RPL5: variants seen among roughly 807,000 people sequenced by gnomAD.
RPL5 encodes large ribosomal subunit protein uL18.
RPL5 carries 1 observed loss-of-function variant against 38.4 expected under a neutral mutation model. The observed-to-expected ratio is 0.03, with a 90% CI of 0.01 to 0.12. The LOEUF (loss-of-function observed/expected upper bound fraction) is 0.12. Ranked by LOEUF, RPL5 falls within the 10% of genes least tolerant of loss-of-function variation. The pLI is 1.00. For missense variants in RPL5, 243 were observed against 374.1 expected (o/e 0.65, Z 2.89); for synonymous variants, 109 against 121.2 (o/e 0.90, Z 0.66).
chr1:92,832,018 G>A (rs1203825574), upstream of RPL5: 4 of 1,577,172 alleles, frequency 2.5e-6, no homozygotes, highest in Admixed American at 1.8e-5. Flanking sequence ...GCTACATACT[G>A]CGCCTGCGCA....
rs2100696942 is a variant in RPL5 at position 92,840,563 on chromosome 1, T to C, written c.718T>C (p.Tyr240His). 2 of 1,612,838 alleles carry C rather than the reference T, an allele frequency of 1.2e-6. No homozygotes were observed. Among genetic ancestry groups the C allele is most frequent in the Non-Finnish European group, 1.7e-6 (2 of 1,179,552 alleles). The change falls in exon 7 of 8, where the codon TAT becomes CAT. Residue 240 changes from tyrosine (Y) to histidine (H), a missense_variant. Physicochemically the swap from Tyr to His is moderately conservative, Grantham distance 83 (BLOSUM62 2). Transcript: ENST00000370321. ...SVTPDMMEEM[Y>H]KKAHAAIREN... Reference sequence around the variant, plus strand: ...TCCTTTGTTTCAGATGGAGGAGATGTATAAGAAAGCTCATGCTGCTATACG... The same window carrying C: ...TCCTTTGTTTCAGATGGAGGAGATGCATAAGAAAGCTCATGCTGCTATACG...
intron 3 of RPL5, chr1:92,833,949 T>C (rs746702487): frequency 2.1e-4 from 83 of 391,994 alleles, no homozygotes; most frequent in Non-Finnish European, 3.3e-4. Flanking sequence ...TCACAAAAAA[T>C]GTAAGAAAAT....
chr1:92,841,738 A>T, intron 7 of RPL5, 28 bp from the exon 8 acceptor site: 1 of 1,485,500 alleles, frequency 6.7e-7, no homozygotes, highest in South Asian at 1.2e-5. Context: ...GTTATAGTTT[A>T]AAAAATATAT....
At chr1:92,835,061 C>A in intron 4 of RPL5, 148 bp downstream of exon 4, 1 of 1,115,588 alleles carries the variant, frequency 9.0e-7, no homozygotes, top group Non-Finnish European at 1.3e-6. Flanking sequence ...ATGGATCTAT[C>A]TAGGTCAGCT....
chr1:92,841,145 C>T (rs190901859), intron 7 of RPL5, among the ~76,000 whole-genome samples: 2 of 152,290 alleles, frequency 1.3e-5, no homozygotes, highest in African/African-American at 2.4e-5. Context: ...AAATCATACT[C>T]CTCCTGTTGG....
intron 3 of RPL5, chr1:92,833,961 A>G (rs1687017013): frequency 2.7e-6 from 1 of 375,194 alleles, no homozygotes; most frequent in Non-Finnish European, 5.0e-6. Flanking sequence ...TAAGAAAATT[A>G]GCTGGGCATG....
At chr1:92,834,314 A>C (rs1687032661) in intron 3 of RPL5, among the ~76,000 whole-genome samples, 1 of 152,232 alleles carries the variant, frequency 6.6e-6, no homozygotes, top group Non-Finnish European at 1.5e-5. Flanking sequence ...TGGCTCCCGC[A>C]TGAAAGACCT....
chr1:92,841,880 T>C lies in RPL5; in HGVS notation c.*15T>C. ...CTGAGAGCTAAACCCAGCAATTTTC[T>C]ATGATTTTTTCAGATATAGATAATA... On this transcript the variant is annotated 3_prime_UTR_variant, in exon 8 of 8. Coordinates refer to ENST00000370321, the MANE Select transcript of RPL5 (RefSeq NM_000969.5). 5.0e-6 allele frequency: 8 copies of C among 1,595,802 alleles called. No homozygotes were observed. The highest frequency in any genetic ancestry group is 6.9e-6 in the Non-Finnish European group (8 of 1,165,120).
At chr1:92,837,055 C>T in intron 5 of RPL5, 1 of 300,406 alleles carries the variant, frequency 3.3e-6, no homozygotes, top group South Asian at 3.1e-5. Flanking sequence ...GAGTTAGTTG[C>T]AAGTACACCA....
At chr1:92,839,223 G>A (rs1449419751) in intron 6 of RPL5, among the ~76,000 whole-genome samples, 1 of 152,076 alleles carries the variant, frequency 6.6e-6, no homozygotes, top group Non-Finnish European at 1.5e-5. Flanking sequence ...GCTGGGCATG[G>A]TGGCTCACTC....
At chr1:92,837,287 C>T (rs1409780719) in intron 5 of RPL5, 169 bp from the exon 6 acceptor site, 1 of 778,926 alleles carries the variant, frequency 1.3e-6, no homozygotes, top group Non-Finnish European at 2.4e-6. Flanking sequence ...CAGAGATGAG[C>T]TGCTGAATGA....
intron 6 of RPL5, among the ~76,000 whole-genome samples, chr1:92,839,297 T>TGCACTGAGCTGGGATC (rs1687258641): frequency 6.6e-6 from 1 of 152,178 alleles, no homozygotes; most frequent in African/African-American, 2.4e-5. Context: ...AGGTGGAGGT[T>TGCACTGAGCTGGGATC]GCACTGAGCT....
At chr1:92,841,028 C>T (rs1471103795) in intron 7 of RPL5, among the ~76,000 whole-genome samples, 1 of 152,240 alleles carries the variant, frequency 6.6e-6, no homozygotes, top group African/African-American at 2.4e-5. Flanking sequence ...AACATATTCA[C>T]CTCAAATACT....
chr1:92,837,809 C>T, intron 6 of RPL5, 176 bp downstream of exon 6: 1 of 623,988 alleles, frequency 1.6e-6, no homozygotes, highest in Non-Finnish European at 2.8e-6. Flanking sequence ...CTTCAAGCAT[C>T]TGAAGATTTG....
intron 3 of RPL5, 171 bp downstream of exon 3, chr1:92,833,831 TA>T (rs1447652553): frequency 2.3e-5 from 14 of 620,266 alleles, no homozygotes; most frequent in Non-Finnish European, 3.7e-5. Context: ...CTTGGTACTT[TA>T]AAAAATGCTC....
intron 7 of RPL5, 83 bp from the exon 8 acceptor site, chr1:92,841,683 A>T: frequency 1.2e-6 from 1 of 853,318 alleles, no homozygotes; most frequent in East Asian, 3.2e-5. Context: ...CTCTATCAAA[A>T]TTAAATTTTA....
In RPL5 at chr1:92,832,043, T is replaced by C. The variant is rs1046495339; in HGVS notation, c.-72T>C. 1.9e-6 allele frequency: 3 copies of C among 1,607,178 alleles called. No homozygotes were observed. Among genetic ancestry groups the C allele is most frequent in the South Asian group, 2.2e-5 (2 of 89,996 alleles). On this transcript the variant is annotated 5_prime_UTR_variant, in exon 1 of 8. Coordinates refer to ENST00000370321, the MANE Select transcript of RPL5 (RefSeq NM_000969.5). The stretch of plus-strand genomic sequence containing the variant: ...GCGCCTGCGCAAGGGCTGTGGCCCT[T>C]TTCCCACCCCCTAGCGCCGCTGGGC...
chr1:92,839,384 A>G (rs1380644021), intron 6 of RPL5, among the ~76,000 whole-genome samples: 1 of 152,130 alleles, frequency 6.6e-6, no homozygotes, highest in African/African-American at 2.4e-5. Context: ...GCCCAATAAA[A>G]TATCTGATCG....
chr1:92,837,044 G>A (rs1687158257), intron 5 of RPL5: 1 of 289,336 alleles, frequency 3.5e-6, no homozygotes, highest in Non-Finnish European at 6.7e-6. Flanking sequence ...GTGGGTGGGG[G>A]GAGTTAGTTG....
Sources: allele counts gnomAD v4.1 joint callset (sites outside exome capture counted in the v4.1 genomes callset), GRCh38; gene constraint gnomAD v4.1.1; transcripts MANE v1.5; gene names NCBI Gene and HGNC (gene_info 2026-07-23, HGNC 2026-07-21).